Variants in NALCN observed in about 807,000 individuals in gnomAD.
NALCN encodes sodium leak channel, non-selective, also known as sodium leak channel NALCN.
In NALCN, 111 loss-of-function variants were observed where a neutral mutation model predicts 225.3. The observed-to-expected ratio is 0.49, with a 90% CI of 0.42 to 0.58. NALCN has a LOEUF of 0.58. Ranked by LOEUF, NALCN falls within the 20% of genes least tolerant of loss-of-function variation. NALCN has a pLI of 0.00. For synonymous variants in NALCN, 764 were observed against 769.0 expected, an observed-to-expected ratio of 0.99 and a Z score of 0.11; for missense variants, 1,378 against 2,202.4, an observed-to-expected ratio of 0.63 and a Z score of 7.49.
intron 6 of NALCN, among the ~76,000 whole-genome samples, chr13:101,372,193 T>C (rs184179660): frequency 6.6e-6 from 1 of 152,166 alleles, no homozygotes; most frequent in African/African-American, 2.4e-5. Context: ...AGTTGAAAAT[T>C]ATAGAAAGCA....
intron 10 of NALCN, among the ~76,000 whole-genome samples, chr13:101,281,841 G>C (rs1009026149): frequency 6.6e-6 from 1 of 152,082 alleles, no homozygotes; most frequent in Admixed American, 6.6e-5. Context: ...GATTATAAAT[G>C]AGCAAATTCT....
intron 10 of NALCN, 72 bp downstream of exon 10, chr13:101,283,861 T>C: frequency 7.7e-7 from 1 of 1,299,250 alleles, no homozygotes; most frequent in East Asian, 2.5e-5. Flanking sequence ...TAAAGAGCTG[T>C]GGATTTTCTT....
At chr13:101,216,609 T>A (rs2040743190) in intron 13 of NALCN, among the ~76,000 whole-genome samples, 1 of 152,152 alleles carries the variant, frequency 6.6e-6, no homozygotes, top group Non-Finnish European at 1.5e-5. Context: ...TTAATTGAAC[T>A]AATAGTTTTA....
At chr13:101,147,587 A>G (rs1222197393) in intron 15 of NALCN, among the ~76,000 whole-genome samples, 1 of 152,158 alleles carries the variant, frequency 6.6e-6, no homozygotes, top group East Asian at 1.9e-4. Context: ...TCTTTTTTAA[A>G]GATATGGGAT....
At chr13:101,229,273 C>A (rs113611845) in intron 13 of NALCN, 120 bp downstream of exon 13, 6 of 979,054 alleles carry the variant, frequency 6.1e-6, no homozygotes, top group African/African-American at 3.3e-5. Context: ...TCTAATTATC[C>A]CAAGTTATCA....
chr13:101,145,471 G>A (rs1466070879), intron 15 of NALCN, among the ~76,000 whole-genome samples: 2 of 152,128 alleles, frequency 1.3e-5, no homozygotes, highest in African/African-American at 2.4e-5. Context: ...TGGACACGAC[G>A]AACTTAAATG....
chr13:101,406,311 G>A (rs1406981846), intron 1 of NALCN, among the ~76,000 whole-genome samples: 1 of 152,072 alleles, frequency 6.6e-6, no homozygotes, highest in Non-Finnish European at 1.5e-5. Flanking sequence ...GGGTGACAGA[G>A]TGAGACTCTG....
chr13:101,375,931 T>C (rs1028461848), intron 6 of NALCN, among the ~76,000 whole-genome samples: 4 of 151,944 alleles, frequency 2.6e-5, no homozygotes, highest in Non-Finnish European at 5.9e-5. Flanking sequence ...TGCCATCACA[T>C]CCCTGGAGTT....
intron 17 of NALCN, among the ~76,000 whole-genome samples, chr13:101,137,996 C>T (rs1360552813): frequency 1.3e-5 from 2 of 152,232 alleles, no homozygotes; most frequent in African/African-American, 2.4e-5. Flanking sequence ...TTCTCTCAAA[C>T]ATCGAGCACC....
At chr13:101,249,419 C>A (rs1023495351) in intron 11 of NALCN, among the ~76,000 whole-genome samples, 10 of 152,092 alleles carry the variant, frequency 6.6e-5, no homozygotes, top group African/African-American at 2.2e-4. Flanking sequence ...TATGTCTATT[C>A]CATTTGTGAA....
intron 7 of NALCN, among the ~76,000 whole-genome samples, chr13:101,295,223 C>T (rs1214044629): frequency 6.6e-6 from 1 of 152,160 alleles, no homozygotes; most frequent in East Asian, 1.9e-4. Flanking sequence ...TTCATAGGTA[C>T]TAACACTGGA....
rs1323504964 is a variant in NALCN at position 101,399,132 on chromosome 13, G to A, written c.-6C>T. 1 of 1,612,604 alleles carries A rather than the reference G, an allele frequency of 6.2e-7. No individual in the cohort carries two copies. The highest frequency in any genetic ancestry group is 8.5e-7 in the Non-Finnish European group (1 of 1,179,234). ...CTCTGCTTCCTTTTGAGCATGCTGA[G>A]GTTAGCTTTGGTGAGCAAGCACAAA... On this transcript the variant is annotated 5_prime_UTR_variant, in exon 2 of 44. Transcript: ENST00000251127.
chr13:101,406,233 G>A (rs2047620552), intron 1 of NALCN, among the ~76,000 whole-genome samples: 1 of 151,994 alleles, frequency 6.6e-6, no homozygotes, highest in Admixed American at 6.6e-5. Flanking sequence ...GTCTGAGGTG[G>A]GAGGCTCACT....
chr13:101,262,285 T>C (rs1272318614), intron 10 of NALCN, among the ~76,000 whole-genome samples: 1 of 152,204 alleles, frequency 6.6e-6, no homozygotes, highest in Non-Finnish European at 1.5e-5. Context: ...GATATATTAC[T>C]CACATTTCAC....
At chr13:101,148,055 T>C (rs1247125970) in intron 15 of NALCN, among the ~76,000 whole-genome samples, 4 of 152,184 alleles carry the variant, frequency 2.6e-5, no homozygotes, top group Non-Finnish European at 5.9e-5. Context: ...TTGCTGTTTG[T>C]GTGGCTCAAA....
At chr13:101,386,542 C>T (rs753057979) in intron 3 of NALCN, among the ~76,000 whole-genome samples, 6 of 151,978 alleles carry the variant, frequency 3.9e-5, no homozygotes, top group Non-Finnish European at 8.8e-5. Context: ...TCTTATATTA[C>T]ATTTATATCT....
intron 13 of NALCN, among the ~76,000 whole-genome samples, chr13:101,199,289 A>T (rs2040015950): frequency 6.6e-6 from 1 of 151,510 alleles, no homozygotes; most frequent in South Asian, 2.1e-4. Context: ...AAAGTATAAT[A>T]AAAAAAAGAG....
intron 7 of NALCN, among the ~76,000 whole-genome samples, chr13:101,331,576 T>G (rs922350775): frequency 6.6e-5 from 10 of 152,116 alleles, no homozygotes; most frequent in African/African-American, 2.2e-4. Context: ...CCTGGGTTTT[T>G]GGGTACACAC....
chr13:101,400,503 G>T (rs1039157464), intron 1 of NALCN, among the ~76,000 whole-genome samples: 3 of 151,638 alleles, frequency 2.0e-5, no homozygotes, highest in Admixed American at 6.6e-5. Context: ...AAGCACAATG[G>T]GTGCCACTTA....
Sources: gnomAD v4.1 joint callset for allele counts (sites outside exome capture counted in the v4.1 genomes callset) on GRCh38, gnomAD v4.1.1 for gene constraint, MANE v1.5 for transcripts, NCBI Gene and HGNC (gene_info 2026-07-23, HGNC 2026-07-21) for gene names.